Variants in KANK1 observed in about 807,000 individuals in gnomAD.
KANK1 encodes the protein KN motif and ankyrin repeat domains 1.
KANK1 carries 109 observed loss-of-function variants against 106.2 expected under a neutral mutation model. The ratio of observed to expected loss-of-function variants is 1.03; its 90% CI spans 0.88 to 1.20. The LOEUF is 1.20. Ranked by LOEUF, KANK1 falls within the 50% of genes most tolerant of loss-of-function variation. The probability of loss-of-function intolerance (pLI) is 0.00; values close to 1 mark genes in which losing one functional copy is unlikely to be tolerated. For missense variants in KANK1, 2,399 were observed against 1,710.7 expected (o/e 1.40, Z -7.10); for synonymous variants, 873 against 652.2 (o/e 1.34, Z -5.16).
At position 606,107 on chromosome 9, in the gene KANK1, T is replaced by A. The variant is rs34691240; in HGVS notation, c.-83-70783T>A. Among the ~76,000 whole-genome samples, 281 of 150,382 alleles carry A rather than the reference T, an allele frequency of 1.9e-3. 1 individual carries two copies. Among genetic ancestry groups the A allele is most frequent in the Middle Eastern group, 0.01 (3 of 290 alleles). On this transcript the variant is annotated intron_variant, in intron 1 of 11. Coordinates refer to ENST00000382297, the MANE Select transcript of KANK1 (RefSeq NM_015158.5). ...TAGGGGAAGAAAAACCATAGAACTT[T>A]CCCCCAGTATATAGCATTGAATTAC...
intron 1 of KANK1, among the ~76,000 whole-genome samples, chr9:578,696 A>G (rs1288971006): frequency 6.6e-6 from 1 of 152,178 alleles, no homozygotes; most frequent in Non-Finnish European, 1.5e-5. Flanking sequence ...TAAAATAACC[A>G]TTACTAAGTT....
chr9:596,491 T>G (rs901423147), intron 1 of KANK1, among the ~76,000 whole-genome samples: 1 of 151,762 alleles, frequency 6.6e-6, no homozygotes, highest in Non-Finnish European at 1.5e-5. Context: ...AATGGATCAT[T>G]TTGCTGTCAC....
intron 11 of KANK1, chr9:744,948 ACT>A: frequency 6.9e-7 from 1 of 1,446,890 alleles, no homozygotes. Context: ...TCCACAGTTC[ACT>A]CTGAGTGGGA....
At chr9:723,868 G>A (rs1829996141) in intron 3 of KANK1, among the ~76,000 whole-genome samples, 1 of 151,598 alleles carries the variant, frequency 6.6e-6, no homozygotes. Context: ...CAAGGTGGGT[G>A]GATAGCTTGA....
chr9:718,298 CTTTTTTTTTTTTTTTTTT>C (rs60145502), intron 3 of KANK1, among the ~76,000 whole-genome samples: 1 of 74,088 alleles, frequency 1.3e-5, no homozygotes, highest in Non-Finnish European at 2.4e-5. Context: ...CTTGCTGTGT[CTTTTTTTTTTTTTTTTTT>C]TTTTTTTTAC....
chr9:737,155 GACCA>G, intron 7 of KANK1, among the ~76,000 whole-genome samples: 1 of 152,144 alleles, frequency 6.6e-6, no homozygotes. Flanking sequence ...GAATTAGAAT[GACCA>G]GAAGACATAA....
intron 11 of KANK1, chr9:744,836 T>G (rs1836778005): frequency 7.0e-7 from 1 of 1,422,762 alleles, no homozygotes; most frequent in African/African-American, 1.4e-5. Context: ...ATAGAGGTTT[T>G]GATTCTGTGC....
At chr9:740,241 C>A (rs1205729189) in intron 8 of KANK1, among the ~76,000 whole-genome samples, 1 of 152,136 alleles carries the variant, frequency 6.6e-6, no homozygotes, top group African/African-American at 2.4e-5. Flanking sequence ...TGCATTTGTT[C>A]TCGACCATAA....
intron 10 of KANK1, 145 bp downstream of exon 10, chr9:742,550 A>G (rs1056397383): frequency 1.3e-5 from 8 of 625,076 alleles, no homozygotes; most frequent in African/African-American, 5.5e-5. Flanking sequence ...CTCCCTTCAC[A>G]GCCAAGCTTG....
At chr9:732,672 C>A in intron 6 of KANK1, 55 bp downstream of exon 6, 1 of 1,584,584 alleles carries the variant, frequency 6.3e-7, no homozygotes, top group Non-Finnish European at 8.6e-7. Context: ...TGTACTTTGG[C>A]AATAGAGTTG....
chr9:638,047 A>C (rs1837552734), intron 1 of KANK1, among the ~76,000 whole-genome samples: 1 of 152,216 alleles, frequency 6.6e-6, no homozygotes, highest in Non-Finnish European at 1.5e-5. Flanking sequence ...TCCAGGTTAC[A>C]TACAGATGCA....
intron 3 of KANK1, among the ~76,000 whole-genome samples, chr9:497,199 C>G (rs940997505): frequency 2.0e-5 from 3 of 151,974 alleles, no homozygotes; most frequent in Admixed American, 6.6e-5. Flanking sequence ...TTTCCTTCAA[C>G]ATTTAGTCTC....
chr9:711,123 A>G lies in KANK1; in HGVS notation c.357A>G (p.Ser119=). The part of the protein sequence containing the change: ...ARSQVTSTPI[S]KPPPPLETSL... ...GTCAAGTTACATCAACTCCAATCTC[A>G]AAGCCACCTCCCCCTCTGGAGACCT... Residue 119 remains serine, a synonymous_variant, in exon 3 of 12, where the codon TCA becomes TCG. Transcript: ENST00000382297. The G allele has an allele frequency of 6.2e-7, 1 of 1,612,212 alleles. No homozygotes were observed. Among genetic ancestry groups the G allele is most frequent in the Non-Finnish European group, 8.5e-7 (1 of 1,178,282 alleles).
At position 712,478 on chromosome 9, in the gene KANK1, T is replaced by G. The variant is rs1826420382; in HGVS notation, c.1712T>G (p.Val571Gly). ...GPELPMNWWIVKERVEMHDRC... is the reference protein window; with the variant it reads ...GPELPMNWWIGKERVEMHDRC... ...GAGCTGCCTATGAATTGGTGGATTG[T>G]TAAGGAGAGGGTGGAAATGCATGAC... Residue 571 changes from valine (V) to glycine (G), a missense_variant, in exon 3 of 12, where the codon GTT (valine) becomes GGT (glycine). Physicochemically the swap from Val to Gly is moderately radical, Grantham distance 109 (BLOSUM62 -3). Coordinates refer to ENST00000382297, the MANE Select transcript of KANK1 (RefSeq NM_015158.5). The G allele has an allele frequency of 6.2e-7, 1 of 1,613,968 alleles. No individual in the cohort carries two copies. The highest frequency in any genetic ancestry group is 1.3e-5 in the African/African-American group (1 of 74,960).
chr9:593,420 T>G (rs770737292), intron 1 of KANK1, among the ~76,000 whole-genome samples: 3 of 151,444 alleles, frequency 2.0e-5, no homozygotes, highest in Non-Finnish European at 4.4e-5. Flanking sequence ...ACATTTTTTA[T>G]GCTTAGTGGA....
intron 1 of KANK1, among the ~76,000 whole-genome samples, chr9:565,048 G>T (rs1292405912): frequency 6.6e-6 from 1 of 152,184 alleles, no homozygotes; most frequent in Non-Finnish European, 1.5e-5. Flanking sequence ...ATGTCAGTGG[G>T]TAGAGAAGAG....
chr9:471,506 G>A lies in KANK1; in HGVS notation c.-442+824G>A, dbSNP rs12115246. On this transcript the variant is annotated intron_variant, in intron 2 of 15. Coordinates refer to the KANK1 transcript ENST00000382303. Reference sequence around the variant, plus strand: ...TCCCTCCTTATGCGGGCCTCAGTCTGTCATCTTCCTTGGAGCAGGACCAAA... The same window carrying A: ...TCCCTCCTTATGCGGGCCTCAGTCTATCATCTTCCTTGGAGCAGGACCAAA... 1,181 of 152,346 alleles carry A rather than the reference G, an allele frequency of 7.8e-3. 14 individuals are homozygous for A. The highest frequency in any genetic ancestry group is 0.031 in the Admixed American group (481 of 15,302). 9.4% of individuals were successfully genotyped at this position (152,346 alleles called of 1,614,324 possible).
intron 10 of KANK1, among the ~76,000 whole-genome samples, chr9:742,965 C>T (rs1487662457): frequency 6.6e-6 from 1 of 152,244 alleles, no homozygotes; most frequent in Non-Finnish European, 1.5e-5. Flanking sequence ...CAACACCACT[C>T]TGCTCTCTTC....
At chr9:632,984 G>T (rs547347326) in intron 1 of KANK1, among the ~76,000 whole-genome samples, 15 of 152,074 alleles carry the variant, frequency 9.9e-5, no homozygotes, top group Non-Finnish European at 1.5e-4. Context: ...GTGAGCCACT[G>T]CTCCCAGCCT....
Sources: gnomAD v4.1 joint callset for allele counts (sites outside exome capture counted in the v4.1 genomes callset) on GRCh38, gnomAD v4.1.1 for gene constraint, MANE v1.5 for transcripts, NCBI Gene and HGNC (gene_info 2026-07-23, HGNC 2026-07-21) for gene names.